USO1: variants seen among roughly 807,000 people sequenced by gnomAD.
The protein encoded by USO1 is USO1 vesicle transport factor.
A neutral mutation model predicts 124.5 loss-of-function variants in USO1; 57 were observed. The ratio of observed to expected loss-of-function variants is 0.46; its 90% CI spans 0.37 to 0.57. The LOEUF is 0.57. USO1 is among the 20% of genes least tolerant of loss of function. USO1 has a pLI of 0.00. For missense variants in USO1, 900 were observed against 1,040.6 expected (o/e 0.86, Z 1.86); for synonymous variants, 369 against 362.8 (o/e 1.02, Z -0.19).
Position 75,731,180 on chromosome 4 carries a change from T to C in USO1, c.66+6295T>C, listed in dbSNP as rs190879912. Among the ~76,000 whole-genome samples, 405 of 152,340 alleles carry C rather than the reference T, an allele frequency of 2.7e-3. 1 individual carries two copies. The highest frequency in any genetic ancestry group is 4.8e-3 in the Non-Finnish European group (324 of 68,030). The stretch of plus-strand genomic sequence containing the variant: ...TTTTTAATGTTCCCACATCTCTTTT[T>C]ATAGATTATAATAATTTAGGTCATA... On this transcript the variant is annotated intron_variant, in intron 1 of 23. Coordinates refer to ENST00000514213, the MANE Select transcript of USO1 (RefSeq NM_003715.4).
intron 13 of USO1, among the ~76,000 whole-genome samples, chr4:75,794,854 G>T (rs1020631578): frequency 6.6e-6 from 1 of 152,070 alleles, no homozygotes; most frequent in African/African-American, 2.4e-5. Flanking sequence ...TTTAAAATTG[G>T]TTTACTTTAA....
chr4:75,756,802 CG>C (rs765274265), intron 3 of USO1, among the ~76,000 whole-genome samples: 3 of 151,706 alleles, frequency 2.0e-5, no homozygotes, highest in Non-Finnish European at 4.4e-5. Flanking sequence ...CGTGAGCAAC[CG>C]CACCGGGCAC....
Position 75,796,341 on chromosome 4 carries a change from C to CTTTATTTTTTTTTTTTT in USO1, c.1452+2443_1452+2444insATTTTTTTTTTTTTTTT, listed in dbSNP as rs1722678843. Reference sequence around the variant, plus strand: ...TAATCCCAGAAAGTTCCATCATGCTCTTTTTTTTTTTTGAGACGGAGTCTC... The same window carrying CTTTATTTTTTTTTTTTT: ...TAATCCCAGAAAGTTCCATCATGCTCTTTATTTTTTTTTTTTTTTTTTTTTTTTTGAGACGGAGTCTC... On this transcript the variant is annotated intron_variant, in intron 13 of 23. Coordinates refer to ENST00000514213, the MANE Select transcript of USO1 (RefSeq NM_003715.4). 2.0e-5 allele frequency among the ~76,000 whole-genome samples: 2 copies of CTTTATTTTTTTTTTTTT among 102,064 alleles called. 1 individual carries two copies. The highest frequency in any genetic ancestry group is 2.5e-4 in the Admixed American group (2 of 8,052). 67.0% of individuals were successfully genotyped at this position (102,064 alleles called of 152,430 possible). A position where few individuals can be genotyped will look rare whatever the true frequency, so the allele number is the denominator to read the frequency against.
At chr4:75,791,131 G>T (rs1162301000) in intron 12 of USO1, among the ~76,000 whole-genome samples, 1 of 152,192 alleles carries the variant, frequency 6.6e-6, no homozygotes, top group Non-Finnish European at 1.5e-5. Context: ...GAGGATTAAT[G>T]CAGTTACATG....
intron 1 of USO1, among the ~76,000 whole-genome samples, chr4:75,748,951 A>AAT (rs1014793228): frequency 6.6e-6 from 1 of 151,718 alleles, no homozygotes; most frequent in Non-Finnish European, 1.5e-5. Flanking sequence ...TAGTAAAAAA[A>AAT]ATATATATAT....
chr4:75,783,630 A>G (rs1722282325), intron 9 of USO1, among the ~76,000 whole-genome samples: 1 of 152,150 alleles, frequency 6.6e-6, no homozygotes, highest in Admixed American at 6.6e-5. Context: ...TGTGGACCTA[A>G]CTAGATGGTT....
intron 19 of USO1, 137 bp from the exon 20 acceptor site, chr4:75,806,349 G>T: frequency 9.3e-7 from 1 of 1,072,462 alleles, no homozygotes; most frequent in East Asian, 2.8e-5. Flanking sequence ...ATTTTATCTT[G>T]GGCATAAAAA....
At position 75,800,733 on chromosome 4, in the gene USO1, A is replaced by C; in HGVS notation, c.1798A>C (p.Asn600His). 18 of 1,612,862 alleles carry C rather than the reference A, an allele frequency of 1.1e-5. No homozygotes were observed. Among genetic ancestry groups the C allele is most frequent in the Non-Finnish European group, 1.5e-5 (18 of 1,179,622 alleles). Residue 600 changes from asparagine (N) to histidine (H), a missense_variant, in exon 16 of 24, where the codon AAC becomes CAC. Transcript: ENST00000514213. ...YSRASQKPQPNFPSPEYMIFD... is the reference protein window; with the variant it reads ...YSRASQKPQPHFPSPEYMIFD... ...CAGAGCATCTCAGAAACCCCAGCCAAACTTTCCCAGTCCAGAATACATGAT... is the reference window on the plus strand; with the variant it reads ...CAGAGCATCTCAGAAACCCCAGCCACACTTTCCCAGTCCAGAATACATGAT...
chr4:75,767,612 C>T (rs1721801946), intron 4 of USO1: 2 of 291,414 alleles, frequency 6.9e-6, no homozygotes, highest in African/African-American at 2.3e-5. Flanking sequence ...GGCGTGGTAG[C>T]AGGCATCTGA....
chr4:75,795,392 C>T, intron 13 of USO1: 1 of 699,872 alleles, frequency 1.4e-6, no homozygotes, highest in East Asian at 2.7e-5. Context: ...GCATTTTCCT[C>T]TTATAGCAAA....
At chr4:75,775,196 G>A (rs930011643) in intron 8 of USO1, among the ~76,000 whole-genome samples, 1 of 152,092 alleles carries the variant, frequency 6.6e-6, no homozygotes, top group Non-Finnish European at 1.5e-5. Flanking sequence ...TAGTCTTTTG[G>A]AGAATAGGAG....
At chr4:75,810,131 T>G (rs1473884339) in intron 21 of USO1, among the ~76,000 whole-genome samples, 1 of 152,234 alleles carries the variant, frequency 6.6e-6, no homozygotes, top group Non-Finnish European at 1.5e-5. Context: ...ATTCTGTGTT[T>G]ATTAAATGCT....
At chr4:75,794,125 G>A (rs1722609065) in intron 13 of USO1, among the ~76,000 whole-genome samples, 1 of 152,176 alleles carries the variant, frequency 6.6e-6, no homozygotes, top group Non-Finnish European at 1.5e-5. Flanking sequence ...GAAAATACAT[G>A]TTCTGGGCAG....
At chr4:75,759,329 C>T (rs1479205426) in intron 4 of USO1, among the ~76,000 whole-genome samples, 2 of 137,082 alleles carry the variant, frequency 1.5e-5, no homozygotes, top group Non-Finnish European at 3.0e-5. Context: ...CGCGGTGGCT[C>T]GCGCCTGTAA....
chr4:75,788,171 A>ATTTT (rs11291010), intron 10 of USO1, among the ~76,000 whole-genome samples: 70 of 123,230 alleles, frequency 5.7e-4, no homozygotes, highest in African/African-American at 1.5e-3. Context: ...TTATTTATTT[A>ATTTT]TTTTTTTTTT....
chr4:75,804,931 A>G, intron 18 of USO1: 1 of 496,808 alleles, frequency 2.0e-6, no homozygotes. Context: ...CAGTTTAGTC[A>G]AGGCTGTGCT....
chr4:75,769,630 TGTGA>T (rs1721865238), intron 4 of USO1, among the ~76,000 whole-genome samples: 1 of 152,142 alleles, frequency 6.6e-6, no homozygotes, highest in Non-Finnish European at 1.5e-5. Flanking sequence ...CTGTGTCTGG[TGTGA>T]GTGAGAGAAT....
intron 4 of USO1, among the ~76,000 whole-genome samples, chr4:75,768,985 C>A (rs1233532853): frequency 6.6e-6 from 1 of 152,230 alleles, no homozygotes; most frequent in Admixed American, 6.5e-5. Context: ...CAGCTTGCTT[C>A]TCCCACAGTG....
chr4:75,778,387 A>G (rs1057371891), intron 8 of USO1, among the ~76,000 whole-genome samples: 1 of 152,198 alleles, frequency 6.6e-6, no homozygotes, highest in Non-Finnish European at 1.5e-5. Flanking sequence ...GATTATCATA[A>G]AGGTCTTCAT....
Sources: allele counts gnomAD v4.1 joint callset (sites outside exome capture counted in the v4.1 genomes callset), GRCh38; gene constraint gnomAD v4.1.1; transcripts MANE v1.5; gene names NCBI Gene and HGNC (gene_info 2026-07-23, HGNC 2026-07-21).